Variants in AFAP1L2 observed in about 807,000 individuals in gnomAD.
The protein encoded by AFAP1L2 is actin filament-associated protein 1-like 2.
A neutral mutation model predicts 99.3 loss-of-function variants in AFAP1L2; 46 were observed. That is an observed-to-expected ratio of 0.46 (90% CI 0.37 to 0.59). AFAP1L2 has a LOEUF of 0.59. AFAP1L2 is among the 20% of genes least tolerant of loss of function. The pLI, the probability that AFAP1L2 is intolerant of heterozygous loss-of-function variation, is 0.00. For missense variants in AFAP1L2, 959 were observed against 1,034.9 expected (o/e 0.93, Z 1.01); for synonymous variants, 397 against 419.1 (o/e 0.95, Z 0.64).
At chr10:114,287,923 C>A in the AFAP1L2 span, among the ~76,000 whole-genome samples, 1 of 152,154 alleles carries the variant, frequency 6.6e-6, no homozygotes, top group Non-Finnish European at 1.5e-5. Flanking sequence ...CCATCCAGGA[C>A]CCCACAGTAC....
intron 4 of AFAP1L2, among the ~76,000 whole-genome samples, chr10:114,323,727 C>A (rs1404669278): frequency 2.0e-5 from 3 of 152,212 alleles, no homozygotes; most frequent in Non-Finnish European, 2.9e-5. Flanking sequence ...ATAGTTCAAT[C>A]ACTCATTCAG....
At chr10:114,280,896 G>A in the AFAP1L2 span, 1 of 152,014 alleles carries the variant, frequency 6.6e-6, no homozygotes, top group East Asian at 1.9e-4. Flanking sequence ...GCACCACCGT[G>A]GCCGGCTAAT....
chr10:114,357,813 A>G (rs756419268), intron 1 of AFAP1L2, among the ~76,000 whole-genome samples: 11 of 152,238 alleles, frequency 7.2e-5, no homozygotes, highest in Non-Finnish European at 1.2e-4. Flanking sequence ...AGAATCAACC[A>G]TTAGTCAATC....
chr10:114,304,726 T>C lies in AFAP1L2; in HGVS notation c.1277A>G (p.Lys426Arg). ...RILHKGEELA[K>R]LEAKSSEEMG... ...CCTGCAGGCCGGCGGTACCTCAAGC[T>C]TGGCCAGCTCCTCGCCCTTGTGGAG... The change falls in exon 11 of 19, where the codon AAG becomes AGG. Residue 426 changes from lysine (K) to arginine (R), a missense_variant. Physicochemically the swap from Lys to Arg is conservative, Grantham distance 26. Transcript: ENST00000304129. 1 of 1,604,282 alleles carries C rather than the reference T, an allele frequency of 6.2e-7. No individual in the cohort carries two copies. The highest frequency in any genetic ancestry group is 8.5e-7 in the Non-Finnish European group (1 of 1,176,764).
In AFAP1L2 at chr10:114,361,975, G is replaced by A. The variant is rs149646957; in HGVS notation, c.17-21244C>T. Among the ~76,000 whole-genome samples, 5 of 152,228 alleles carry A rather than the reference G, an allele frequency of 3.3e-5. No homozygotes were observed. The East Asian group carries it at 5.8e-4, about 18-fold the overall frequency. On this transcript the variant is annotated intron_variant, in intron 1 of 18. Coordinates refer to ENST00000304129, the MANE Select transcript of AFAP1L2 (RefSeq NM_001001936.3). Reference sequence around the variant, plus strand: ...GTAGGATATTTTACTATCTTACCACGACAGCTATTCAATTTTTTCTTTCTT... The same window carrying A: ...GTAGGATATTTTACTATCTTACCACAACAGCTATTCAATTTTTTCTTTCTT...
Position 114,333,280 on chromosome 10 carries a change from T to C in AFAP1L2, c.161A>G (p.Tyr54Cys). 1 of 1,613,988 alleles carries C rather than the reference T, an allele frequency of 6.2e-7. No homozygotes were observed. The highest frequency in any genetic ancestry group is 8.5e-7 in the Non-Finnish European group (1 of 1,179,912). Residue 54 changes from tyrosine to cysteine, a missense_variant, in exon 3 of 19, where the codon TAC becomes TGC. Coordinates refer to ENST00000304129, the MANE Select transcript of AFAP1L2 (RefSeq NM_001001936.3). Reference sequence around the variant, plus strand: ...GATGGTCACTTTGTTCATATAAATGTACTCCTCATCAGAGCCTGCAGAAGG... The same window carrying C: ...GATGGTCACTTTGTTCATATAAATGCACTCCTCATCAGAGCCTGCAGAAGG... The part of the protein sequence containing the change: ...YTKSSSSDEE[Y>C]IYMNKVTINK...
intron 1 of AFAP1L2, among the ~76,000 whole-genome samples, chr10:114,386,950 GCCTGACTGAAT>G (rs1465035670): frequency 6.6e-6 from 1 of 152,238 alleles, no homozygotes; most frequent in Admixed American, 6.5e-5. Context: ...AACTTCACTG[GCCTGACTGAAT>G]CCCTTACTGA....
intron 1 of AFAP1L2, chr10:114,399,051 G>A (rs1197000199): frequency 1.8e-6 from 1 of 551,706 alleles, no homozygotes; most frequent in African/African-American, 2.0e-5. Flanking sequence ...GAGCACGGGA[G>A]AATATGTGAT....
chr10:114,305,706 T>TGCA (rs1341606594), intron 10 of AFAP1L2, among the ~76,000 whole-genome samples: 49 of 63,482 alleles, frequency 7.7e-4, no homozygotes, highest in East Asian at 1.2e-3. Flanking sequence ...GGAGCGGGGC[T>TGCA]GGAGGGGACG....
At chr10:114,359,748 C>T (rs2051949269) in intron 1 of AFAP1L2, among the ~76,000 whole-genome samples, 4 of 152,176 alleles carry the variant, frequency 2.6e-5, no homozygotes, top group African/African-American at 9.6e-5. Context: ...TCCATCATCT[C>T]TTTCATTCAT....
chr10:114,300,756 C>A, intron 13 of AFAP1L2, 66 bp from the exon 14 acceptor site: 2 of 1,518,220 alleles, frequency 1.3e-6, no homozygotes, highest in Non-Finnish European at 1.8e-6. Flanking sequence ...GGAGGGGGTA[C>A]CAGCCCTGCC....
the AFAP1L2 span, among the ~76,000 whole-genome samples, chr10:114,283,172 G>A: frequency 4.6e-5 from 7 of 152,340 alleles, no homozygotes; most frequent in South Asian, 1.4e-3. Context: ...GCCCTTCAAT[G>A]TGTAGGTGTC....
chr10:114,351,561 T>C (rs1353670233), intron 1 of AFAP1L2, among the ~76,000 whole-genome samples: 4 of 151,968 alleles, frequency 2.6e-5, no homozygotes, highest in African/African-American at 9.7e-5. Flanking sequence ...CACTCTGAGG[T>C]TGGAGTCAAC....
At position 114,339,691 on chromosome 10, in the gene AFAP1L2, A is replaced by G. The variant is rs560150398; in HGVS notation, c.145+912T>C. 1.0e-3 allele frequency among the ~76,000 whole-genome samples: 154 copies of G among 152,236 alleles called. 1 individual carries two copies. Among genetic ancestry groups the G allele is most frequent in the African/African-American group, 3.7e-3 (152 of 41,550 alleles). On this transcript the variant is annotated intron_variant, in intron 2 of 18. Transcript: ENST00000304129. ...AAAATAAGATAATTAGGGTGACCCT[A>G]ATCGACTATGACTGATATCCTTATA...
chr10:114,332,789 C>T (rs1050142517), intron 3 of AFAP1L2, among the ~76,000 whole-genome samples: 4 of 152,230 alleles, frequency 2.6e-5, no homozygotes, highest in Non-Finnish European at 5.9e-5. Flanking sequence ...CCGCCAAAGT[C>T]AGCACCTTTG....
chr10:114,324,396 A>AACCC (rs2045889580), intron 4 of AFAP1L2, among the ~76,000 whole-genome samples: 4 of 126,442 alleles, frequency 3.2e-5, no homozygotes, highest in Admixed American at 8.0e-5. Context: ...GGGGTGCACC[A>AACCC]CCCCCCCCCC....
chr10:114,383,381 A>G (rs2055988778), intron 1 of AFAP1L2, among the ~76,000 whole-genome samples: 1 of 152,056 alleles, frequency 6.6e-6, no homozygotes, highest in South Asian at 2.1e-4. Flanking sequence ...AGAAGGGTGA[A>G]GGGAGGGAAG....
At chr10:114,384,701 T>C (rs558850070) in intron 1 of AFAP1L2, among the ~76,000 whole-genome samples, 9 of 152,350 alleles carry the variant, frequency 5.9e-5, no homozygotes, top group African/African-American at 1.9e-4. Context: ...GTTAAACACC[T>C]ACTTCCAGAG....
At chr10:114,397,544 G>T (rs573030210) in intron 1 of AFAP1L2, among the ~76,000 whole-genome samples, 1 of 152,250 alleles carries the variant, frequency 6.6e-6, no homozygotes, top group African/African-American at 2.4e-5. Flanking sequence ...TTTTACTAAA[G>T]CTTAGGTCCG....
Sources: gnomAD v4.1 joint callset for allele counts (sites outside exome capture counted in the v4.1 genomes callset) on GRCh38, gnomAD v4.1.1 for gene constraint, MANE v1.5 for transcripts, NCBI Gene and HGNC (gene_info 2026-07-23, HGNC 2026-07-21) for gene names.